The following ZSCAN5A variants were observed in gnomAD, a reference collection of about 807,000 sequenced individuals.
The protein encoded by ZSCAN5A is zinc finger and SCAN domain-containing protein 5A.
ZSCAN5A carries 12 observed loss-of-function variants against 23.7 expected under a neutral mutation model. The ratio of observed to expected loss-of-function variants is 0.51; its 90% CI spans 0.32 to 0.82. ZSCAN5A has a LOEUF of 0.82. Ranked by LOEUF, ZSCAN5A falls within the 40% of genes least tolerant of loss-of-function variation. The probability of loss-of-function intolerance (pLI) is 0.03; values close to 1 mark genes in which losing one functional copy is unlikely to be tolerated. For missense variants in ZSCAN5A, 597 were observed against 617.9 expected (o/e 0.97, Z 0.36); for synonymous variants, 257 against 239.9 (o/e 1.07, Z -0.66).
At chr19:56,231,942 T>G (rs2034495609) in intron 2 of ZSCAN5A, among the ~76,000 whole-genome samples, 1 of 152,066 alleles carries the variant, frequency 6.6e-6, no homozygotes, top group Admixed American at 6.6e-5. Context: ...TGGTGTTCTC[T>G]GTGTCATTAC....
intron 1 of ZSCAN5A, among the ~76,000 whole-genome samples, chr19:56,364,528 C>T (rs984080593): frequency 6.6e-6 from 1 of 152,148 alleles, no homozygotes; most frequent in Admixed American, 6.5e-5. Flanking sequence ...TATGGTACAA[C>T]CACTTTGGAA....
chr19:56,339,275 T>TATTTGC (rs1555812798), intron 2 of ZSCAN5A, among the ~76,000 whole-genome samples: 3 of 147,016 alleles, frequency 2.0e-5, no homozygotes, highest in African/African-American at 7.7e-5. Flanking sequence ...GCTGTAGCCA[T>TATTTGC]ATTTAGCAAT....
At chr19:56,350,427 T>G (rs2041660400) in intron 2 of ZSCAN5A, among the ~76,000 whole-genome samples, 1 of 152,218 alleles carries the variant, frequency 6.6e-6, no homozygotes, top group Admixed American at 6.5e-5. Flanking sequence ...TTTATAAAAG[T>G]CATAAAAGAA....
At chr19:56,229,041 C>G (rs1386464631) in intron 2 of ZSCAN5A, among the ~76,000 whole-genome samples, 2 of 152,166 alleles carry the variant, frequency 1.3e-5, no homozygotes, top group Admixed American at 1.3e-4. Context: ...AGTTAGGGCT[C>G]TCAAGCACGA....
intron 2 of ZSCAN5A, among the ~76,000 whole-genome samples, chr19:56,248,123 A>G (rs113217896): frequency 6.6e-6 from 1 of 151,460 alleles, no homozygotes; most frequent in African/African-American, 2.4e-5. Flanking sequence ...CAGATTAAAT[A>G]CACAATGCCT....
At chr19:56,263,729 A>G (rs186084048) in intron 2 of ZSCAN5A, 7 of 152,370 alleles carry the variant, frequency 4.6e-5, no homozygotes, top group Admixed American at 4.6e-4. Flanking sequence ...ATTTAAACAA[A>G]GACAAGGAAT....
intron 2 of ZSCAN5A, 117 bp from the exon 3 acceptor site, chr19:56,225,290 A>G: frequency 3.0e-6 from 3 of 1,005,252 alleles, no homozygotes; most frequent in Non-Finnish European, 4.0e-6. Flanking sequence ...AGCACAGTGG[A>G]AATCTTCCAG....
At chr19:56,284,513 ATTTTTTTT>A (rs11374260) in intron 2 of ZSCAN5A, among the ~76,000 whole-genome samples, 16 of 118,326 alleles carry the variant, frequency 1.4e-4, no homozygotes, top group African/African-American at 2.5e-4. Context: ...GCTTGCTGTA[ATTTTTTTT>A]TTTTTTTTTT....
rs1431675315 is a variant in ZSCAN5A at position 56,362,416 on chromosome 19, A to G, written c.-358+819T>C. 3.3e-5 allele frequency among the ~76,000 whole-genome samples: 5 copies of G among 151,922 alleles called. No homozygotes were observed. The East Asian group carries it at 9.7e-4, about 30-fold the overall frequency. ...ACCCCCACCTCTACTGACAGTACAAAGAATCAGCCGGGCATGGAGGCATGC... is the reference window on the plus strand; with the variant it reads ...ACCCCCACCTCTACTGACAGTACAAGGAATCAGCCGGGCATGGAGGCATGC... On this transcript the variant is annotated intron_variant, in intron 2 of 6. Coordinates refer to the ZSCAN5A transcript ENST00000587340.
intron 2 of ZSCAN5A, among the ~76,000 whole-genome samples, chr19:56,244,762 G>A (rs1243791259): frequency 1.3e-5 from 2 of 150,872 alleles, no homozygotes; most frequent in African/African-American, 5.0e-5. Flanking sequence ...CACTGTGTGA[G>A]GCCAACATGA....
chr19:56,297,675 G>A (rs1349243395), intron 2 of ZSCAN5A: 1 of 270,566 alleles, frequency 3.7e-6, no homozygotes, highest in East Asian at 1.8e-4. Context: ...CCTTCCTGAA[G>A]GGCATCCAAA....
At chr19:56,276,504 C>CTTTTTT (rs767095656) in intron 2 of ZSCAN5A, among the ~76,000 whole-genome samples, 1 of 97,050 alleles carries the variant, frequency 1.0e-5, no homozygotes, top group African/African-American at 3.1e-5. Flanking sequence ...ATCTAAAGAG[C>CTTTTTT]TCTTTTTTTT....
intron 2 of ZSCAN5A, among the ~76,000 whole-genome samples, chr19:56,289,374 G>A (rs1452302089): frequency 6.6e-6 from 1 of 152,174 alleles, no homozygotes; most frequent in Non-Finnish European, 1.5e-5. Context: ...GAGAGAAAGG[G>A]GCCAGGCCCT....
At chr19:56,240,144 A>T (rs906687405) in intron 2 of ZSCAN5A, among the ~76,000 whole-genome samples, 2 of 151,872 alleles carry the variant, frequency 1.3e-5, no homozygotes, top group Non-Finnish European at 2.9e-5. Flanking sequence ...CCTGGGGGAC[A>T]GTGTGAGACT....
intron 2 of ZSCAN5A, among the ~76,000 whole-genome samples, chr19:56,349,387 A>G (rs1056114398): frequency 2.0e-5 from 3 of 152,176 alleles, no homozygotes; most frequent in Non-Finnish European, 4.4e-5. Context: ...AATGTCCTCA[A>G]TATCAGTGTG....
At chr19:56,291,330 C>T (rs368112050) in intron 2 of ZSCAN5A, among the ~76,000 whole-genome samples, 3 of 152,146 alleles carry the variant, frequency 2.0e-5, no homozygotes, top group Non-Finnish European at 2.9e-5. Flanking sequence ...TGAATCCCCA[C>T]GGAAACTGAA....
chr19:56,229,146 G>A (rs571292261), intron 2 of ZSCAN5A, among the ~76,000 whole-genome samples: 8 of 152,216 alleles, frequency 5.3e-5, no homozygotes, highest in African/African-American at 1.9e-4. Context: ...TTACAATTTG[G>A]GAAGTTCACA....
chr19:56,236,394 G>A (rs1600042989), intron 2 of ZSCAN5A, among the ~76,000 whole-genome samples: 1 of 93,186 alleles, frequency 1.1e-5, no homozygotes, highest in African/African-American at 4.1e-5. Context: ...TCTGATGGAC[G>A]GTGGGCCAAG....
At chr19:56,259,070 C>T (rs2036934812) in intron 2 of ZSCAN5A, among the ~76,000 whole-genome samples, 1 of 152,162 alleles carries the variant, frequency 6.6e-6, no homozygotes, top group African/African-American at 2.4e-5. Flanking sequence ...AACCACCCAG[C>T]TGAGCCCACC....
Sources: allele counts gnomAD v4.1 joint callset (sites outside exome capture counted in the v4.1 genomes callset), GRCh38; gene constraint gnomAD v4.1.1; transcripts MANE v1.5; gene names NCBI Gene and HGNC (gene_info 2026-07-23, HGNC 2026-07-21).